C4BPA: variants seen among roughly 807,000 people sequenced by gnomAD.
C4BPA encodes complement component 4 binding protein alpha.
In C4BPA, 31 loss-of-function variants were observed where a neutral mutation model predicts 63.7. That is an observed-to-expected ratio of 0.49 (90% CI 0.37 to 0.66). C4BPA has a LOEUF of 0.66. Among genes scored for constraint, C4BPA ranks in the 30% least tolerant of loss-of-function variants. C4BPA has a pLI of 0.00. For synonymous variants in C4BPA, 259 were observed against 254.7 expected (o/e 1.02, Z -0.16); for missense variants, 572 against 723.3 (o/e 0.79, Z 2.40).
chr1:207,110,883 T>C (rs1324717632), intron 1 of C4BPA, among the ~76,000 whole-genome samples: 1 of 152,170 alleles, frequency 6.6e-6, no homozygotes, highest in Non-Finnish European at 1.5e-5. Flanking sequence ...TAGGGGAAAT[T>C]TCCACTTTCT....
intron 9 of C4BPA, among the ~76,000 whole-genome samples, chr1:207,139,178 A>G (rs987963081): frequency 8.5e-5 from 13 of 152,186 alleles, no homozygotes; most frequent in Admixed American, 2.6e-4. Flanking sequence ...TGAATCAGTG[A>G]CCTCGTTTAC....
chr1:207,112,300 A>C (rs961076682), intron 1 of C4BPA, among the ~76,000 whole-genome samples: 1 of 149,488 alleles, frequency 6.7e-6, no homozygotes, highest in African/African-American at 2.5e-5. Context: ...CAATACTTCT[A>C]TACGGCGACT....
intron 8 of C4BPA, among the ~76,000 whole-genome samples, chr1:207,134,008 T>G (rs1410431503): frequency 6.6e-6 from 1 of 152,150 alleles, no homozygotes; most frequent in Non-Finnish European, 1.5e-5. Flanking sequence ...TGGTTAAATT[T>G]TTTTAAATAT....
At chr1:207,143,039 T>C (rs542689149) in intron 10 of C4BPA, among the ~76,000 whole-genome samples, 13 of 152,304 alleles carry the variant, frequency 8.5e-5, no homozygotes, top group African/African-American at 2.9e-4. Context: ...TGCACATGTA[T>C]GTTTATTGCA....
chr1:207,124,386 T>C lies in C4BPA; in HGVS notation c.706+20T>C. 1 of 1,553,754 alleles carries C rather than the reference T, an allele frequency of 6.4e-7. No individual in the cohort carries two copies. Among genetic ancestry groups the C allele is most frequent in the Non-Finnish European group, 8.8e-7 (1 of 1,130,858 alleles). ...GTGAAAGTAAGTCATAATGATGAATTCTGCATCAAAATGTTTGCTCTCTTT... is the reference window on the plus strand; with the variant it reads ...GTGAAAGTAAGTCATAATGATGAATCCTGCATCAAAATGTTTGCTCTCTTT... On this transcript the variant is annotated intron_variant, in intron 6 of 11. Coordinates refer to ENST00000367070, the MANE Select transcript of C4BPA (RefSeq NM_000715.4).
chr1:207,124,131 A>G (rs981734004), intron 5 of C4BPA, 44 bp from the exon 6 acceptor site: 2 of 1,574,748 alleles, frequency 1.3e-6, no homozygotes, highest in Admixed American at 1.7e-5. Context: ...ATTTATCATG[A>G]TGCCTTCGCT....
Position 207,115,484 on chromosome 1 carries a change from G to A in C4BPA, c.397G>A (p.Gly133Arg). 1.3e-6 allele frequency: 2 copies of A among 1,594,254 alleles called. No individual in the cohort carries two copies. The highest frequency in any genetic ancestry group is 1.7e-6 in the Non-Finnish European group (2 of 1,171,986). Reference sequence around the variant, plus strand: ...AGAGATTAAGACAGATTTATCTTTTGGATCACAAATAGAATTCAGCTGTTC... The same window carrying A: ...AGAGATTAAGACAGATTTATCTTTTAGATCACAAATAGAATTCAGCTGTTC... ...QVEIKTDLSF[G>R]SQIEFSCSEG... The change falls in exon 4 of 12, where the codon GGA becomes AGA. Residue 133 changes from glycine to arginine, a missense_variant. Physicochemically the swap from Gly to Arg is moderately radical, Grantham distance 125. Around this residue, in one of 2 missense-constraint regions of C4BPA, gnomAD observed 465 missense variants for 629.4 expected, o/e 0.74. Transcript: ENST00000367070.
chr1:207,130,715 G>A (rs1685140870), intron 7 of C4BPA, among the ~76,000 whole-genome samples: 1 of 152,142 alleles, frequency 6.6e-6, no homozygotes, highest in Non-Finnish European at 1.5e-5. Flanking sequence ...TACATGTATT[G>A]TGTGATTCCA....
chr1:207,116,514 ATATGTGTGTGT>A (rs1684792350), intron 4 of C4BPA, among the ~76,000 whole-genome samples: 2 of 33,776 alleles, frequency 5.9e-5, no homozygotes, highest in Admixed American at 7.2e-4. Flanking sequence ...GTGTGTGTGT[ATATGTGTGTGT>A]GTGTGTGTGT....
chr1:207,123,626 C>T (rs1684964711), intron 4 of C4BPA, among the ~76,000 whole-genome samples: 1 of 152,184 alleles, frequency 6.6e-6, no homozygotes, highest in Non-Finnish European at 1.5e-5. Flanking sequence ...GAGACAACCA[C>T]AGAACACGCT....
At chr1:207,140,545 G>T (rs76737880) in intron 9 of C4BPA, among the ~76,000 whole-genome samples, 2,067 of 150,690 alleles carry the variant, frequency 0.014, 60 homozygotes, top group African/African-American at 0.048. Flanking sequence ...TTGTGGACCT[G>T]ATAGTGTTCC....
At chr1:207,118,257 C>T (rs1684854986) in intron 4 of C4BPA, among the ~76,000 whole-genome samples, 2 of 74,138 alleles carry the variant, frequency 2.7e-5, no homozygotes, top group South Asian at 8.6e-4. Context: ...CATCTATCTA[C>T]TATTGATTTC....
At chr1:207,139,262 G>A (rs1361511642) in intron 9 of C4BPA, among the ~76,000 whole-genome samples, 1 of 152,196 alleles carries the variant, frequency 6.6e-6, no homozygotes, top group Non-Finnish European at 1.5e-5. Context: ...CTAAAATGTG[G>A]TGTCTTTTTT....
At chr1:207,122,969 ATATC>A (rs1462692756) in intron 4 of C4BPA, among the ~76,000 whole-genome samples, 38 of 152,038 alleles carry the variant, frequency 2.5e-4, no homozygotes, top group Non-Finnish European at 1.8e-4. Context: ...CTTGTTACCT[ATATC>A]TATTAGTTTT....
intron 7 of C4BPA, among the ~76,000 whole-genome samples, chr1:207,130,974 G>A (rs1232622915): frequency 6.6e-6 from 1 of 152,174 alleles, no homozygotes; most frequent in Non-Finnish European, 1.5e-5. Context: ...GAATAATGCT[G>A]TTAAAAAAGA....
At chr1:207,121,090 G>A (rs1684912779) in intron 4 of C4BPA, among the ~76,000 whole-genome samples, 1 of 152,192 alleles carries the variant, frequency 6.6e-6, no homozygotes, top group Admixed American at 6.5e-5. Context: ...TTACAGGCAT[G>A]AGCCACTGTT....
Position 207,126,777 on chromosome 1 carries a change from T to C in C4BPA, c.771T>C (p.Tyr257=). ...TGGTCTCTGGATTTGGACCCATCTA[T>C]AATTACAAAGACACTATTGTGTTTA... ...GEMVSGFGPI[Y]NYKDTIVFKC... is the part of the protein sequence containing the mutation. The change falls in exon 7 of 12, where the codon TAT becomes TAC. Residue 257 remains tyrosine, a synonymous_variant. Transcript: ENST00000367070. 6.2e-7 allele frequency: 1 copy of C among 1,612,990 alleles called. No individual in the cohort carries two copies.
chr1:207,115,184 C>A (rs1684759003), intron 3 of C4BPA, among the ~76,000 whole-genome samples: 2 of 152,152 alleles, frequency 1.3e-5, no homozygotes, highest in Admixed American at 1.3e-4. Flanking sequence ...ACGTGTTCTG[C>A]TGCTGCAATT....
Position 207,141,137 on chromosome 1 carries a change from G to C in C4BPA, c.1305G>C (p.Gly435=). 2 of 1,611,840 alleles carry C rather than the reference G, an allele frequency of 1.2e-6. No individual in the cohort carries two copies. Among genetic ancestry groups the C allele is most frequent in the Non-Finnish European group, 1.7e-6 (2 of 1,179,124 alleles). The change falls in exon 10 of 12, where the codon GGG becomes GGC. Residue 435 remains glycine, a synonymous_variant. Coordinates refer to ENST00000367070, the MANE Select transcript of C4BPA (RefSeq NM_000715.4). ...ICNFPPKIAH[G]HYKQSSSYSF... ...ATTTTCCTCCTAAAATTGCCCATGG[G>C]CATTATAAACAATCTAGTTCATACA...
Sources: gnomAD v4.1 joint callset for allele counts (sites outside exome capture counted in the v4.1 genomes callset) on GRCh38, gnomAD v4.1.1 for gene constraint, gnomAD v4.1.1 regional missense constraint, MANE v1.5 for transcripts, NCBI Gene and HGNC (gene_info 2026-07-23, HGNC 2026-07-21) for gene names.